The following B4GALNT2 variants were observed in gnomAD, a reference collection of about 807,000 sequenced individuals.
The protein encoded by B4GALNT2 is beta-1,4-N-acetyl-galactosaminyltransferase 2 (SID blood group).
Under a neutral mutation model 51.1 loss-of-function variants are expected in B4GALNT2, and 42 were observed. The ratio of observed to expected loss-of-function variants is 0.82; its 90% confidence interval spans 0.64 to 1.06. The LOEUF is 1.06. Among genes scored for constraint, B4GALNT2 ranks in the 50% least tolerant of loss-of-function variants. The pLI is 0.00. For synonymous variants in B4GALNT2, 253 were observed against 251.7 expected, an observed-to-expected ratio of 1.01 and a Z score of -0.05; for missense variants, 602 against 633.6, an observed-to-expected ratio of 0.95 and a Z score of 0.54.
intron 1 of B4GALNT2, among the ~76,000 whole-genome samples, chr17:49,139,331 C>T (rs1405180475): frequency 3.3e-5 from 5 of 152,186 alleles, no homozygotes; most frequent in South Asian, 2.1e-4. Context: ...CTTCGCCCTC[C>T]GGGCTCAAGT....
rs1320180911 is a variant in B4GALNT2 at position 49,142,170 on chromosome 17, G to A, written c.351G>A (p.Arg117=). ...RRQAEFEHFQ[R]REGLPRPLPL... ...AGGCTGAATTTGAACACTTTCAGAG[G>A]AGGTAATGCGGGTCATGAAGGCCCT... Residue 117 remains arginine (R), a splice_region_variant and synonymous_variant, in exon 3 of 11, where the codon AGG becomes AGA. Transcript: ENST00000393354. 2 of 1,614,066 alleles carry A rather than the reference G, an allele frequency of 1.2e-6. No individual in the cohort carries two copies. Among genetic ancestry groups the A allele is most frequent in the Non-Finnish European group, 1.7e-6 (2 of 1,180,012 alleles).
chr17:49,175,679 G>C lies in B4GALNT2; in HGVS notation c.*5951G>C, dbSNP rs1301837249. The C allele has an allele frequency of 6.6e-6, 1 of 152,088 alleles. No homozygotes were observed. The highest frequency in any genetic ancestry group is 1.5e-5 in the Non-Finnish European group (1 of 68,034). 9.4% of individuals were successfully genotyped at this position (152,088 alleles called of 1,614,324 possible). A position where few individuals can be genotyped will look rare whatever the true frequency, so the allele number is the denominator to read the frequency against. On this transcript the variant is annotated 3_prime_UTR_variant, in exon 11 of 11. Coordinates refer to ENST00000393354, the MANE Select transcript of B4GALNT2 (RefSeq NM_001159387.2). ...AGCTATAATATTTCCCTGTTGATCT[G>C]GGGGGTATATCCTAACAGGGAACTG...
At chr17:49,147,733 T>C (rs2042708864) in intron 3 of B4GALNT2, among the ~76,000 whole-genome samples, 1 of 152,132 alleles carries the variant, frequency 6.6e-6, no homozygotes, top group Non-Finnish European at 1.5e-5. Context: ...TCTCGTCCCT[T>C]TCTTAAATGA....
chr17:49,159,230 C>T lies in B4GALNT2; in HGVS notation c.679+13C>T, dbSNP rs1360915942. ...AAGGTAGACATAGGTGAGAGCCTGT[C>T]CTTGGAGTGCAAAATGCTTAGGGAT... On this transcript the variant is annotated intron_variant, in intron 6 of 10. Coordinates refer to ENST00000393354, the MANE Select transcript of B4GALNT2 (RefSeq NM_001159387.2). 2 of 1,612,764 alleles carry T rather than the reference C, an allele frequency of 1.2e-6. No homozygotes were observed. Among genetic ancestry groups the T allele is most frequent in the South Asian group, 2.2e-5 (2 of 90,898 alleles).
At chr17:49,138,894 C>A (rs918591736) in intron 1 of B4GALNT2, among the ~76,000 whole-genome samples, 3 of 152,058 alleles carry the variant, frequency 2.0e-5, no homozygotes, top group Non-Finnish European at 4.4e-5. Flanking sequence ...ACAAAACAAA[C>A]AACAACAAAA....
At position 49,147,849 on chromosome 17, in the gene B4GALNT2, A is replaced by ATATG. The variant is rs1555611104; in HGVS notation, c.354-4950_354-4949insATGT. On this transcript the variant is annotated intron_variant, in intron 3 of 10. Coordinates refer to ENST00000393354, the MANE Select transcript of B4GALNT2 (RefSeq NM_001159387.2). Reference sequence around the variant, plus strand: ...TTATATACATGTATGTTATATATATATGTGTGTGTGTGTGTGTATATATAT... The same window carrying ATATG: ...TTATATACATGTATGTTATATATATATATGTGTGTGTGTGTGTGTGTATATATAT... Among the ~76,000 whole-genome samples, 48 of 149,136 alleles carry ATATG rather than the reference A, an allele frequency of 3.2e-4. No homozygotes were observed. The South Asian group carries it at 3.9e-3, about 12-fold the overall frequency.
chr17:49,159,182 C>T lies in B4GALNT2; in HGVS notation c.644C>T (p.Thr215Ile), dbSNP rs145087753. 6.2e-6 allele frequency: 10 copies of T among 1,614,076 alleles called. No homozygotes were observed. The highest frequency in any genetic ancestry group is 5.3e-5 in the African/African-American group (4 of 74,918). The change falls in exon 6 of 11, where the codon ACC (threonine) becomes ATC (isoleucine). Residue 215 changes from threonine to isoleucine, a missense_variant. Coordinates refer to ENST00000393354, the MANE Select transcript of B4GALNT2 (RefSeq NM_001159387.2). ...LKFILQHVTYTSTGYQHQKVD... is the reference protein window; with the variant it reads ...LKFILQHVTYISTGYQHQKVD... The stretch of plus-strand genomic sequence containing the variant: ...TTCATTCTTCAGCACGTGACATACA[C>T]CAGCACGGGGTACCAGCACCAGAAG...
intron 1 of B4GALNT2, among the ~76,000 whole-genome samples, chr17:49,135,181 T>C (rs545216163): frequency 1.3e-5 from 2 of 152,344 alleles, no homozygotes; most frequent in African/African-American, 2.4e-5. Context: ...TACAGAAATA[T>C]GTGACAAAGA....
chr17:49,152,730 C>T, intron 3 of B4GALNT2, 70 bp from the exon 4 acceptor site: 1 of 1,110,634 alleles, frequency 9.0e-7, no homozygotes, highest in Non-Finnish European at 1.3e-6. Context: ...TGTGCACAGG[C>T]ACCACTTTGA....
intron 8 of B4GALNT2, 65 bp downstream of exon 8, chr17:49,164,340 T>A: frequency 6.9e-7 from 1 of 1,449,662 alleles, no homozygotes; most frequent in Non-Finnish European, 9.6e-7. Context: ...GGTCAGGTTC[T>A]ACCCTGGATG....
intron 9 of B4GALNT2, 80 bp from the exon 10 acceptor site, chr17:49,168,601 C>T: frequency 7.8e-7 from 1 of 1,284,396 alleles, no homozygotes; most frequent in Non-Finnish European, 1.1e-6. Flanking sequence ...AACCGAGGTG[C>T]AGTCCAGCGA....
chr17:49,125,081 TTAATAGTCTTAAA>T, the B4GALNT2 span, among the ~76,000 whole-genome samples: 1 of 152,242 alleles, frequency 6.6e-6, no homozygotes, highest in South Asian at 2.1e-4. Flanking sequence ...TAAACTTTTT[TTAATAGTCTTAAA>T]TACATGTTAC....
intron 2 of B4GALNT2, 57 bp from the exon 3 acceptor site, chr17:49,141,978 T>G (rs1039333025): frequency 5.0e-6 from 8 of 1,604,772 alleles, no homozygotes; most frequent in African/African-American, 2.7e-5. Context: ...TCCGGTTTCC[T>G]CTCACCCACC....
upstream of B4GALNT2, among the ~76,000 whole-genome samples, chr17:49,130,084 C>T (rs2042529412): frequency 6.6e-6 from 1 of 152,206 alleles, no homozygotes; most frequent in Non-Finnish European, 1.5e-5. Flanking sequence ...CTTTAATCCA[C>T]TCTGCCTTCC....
Position 49,156,707 on chromosome 17 carries a change from T to C in B4GALNT2, c.498+104T>C, listed in dbSNP as rs2144319326. On this transcript the variant is annotated intron_variant, in intron 5 of 10. Coordinates refer to ENST00000393354, the MANE Select transcript of B4GALNT2 (RefSeq NM_001159387.2). ...ACGGAGCCCCTGTCCAGATTCAAGG[T>C]CAGACATGAGCCCAAGGAGGGAGGG... 6 of 1,331,520 alleles carry C rather than the reference T, an allele frequency of 4.5e-6. No homozygotes were observed. The Middle Eastern group carries it at 5.7e-4, about 125-fold the overall frequency. The allele number at this position is 1,331,520 out of a possible 1,614,324, so 82.5% of individuals were successfully genotyped here.
chr17:49,169,052 G>GA, intron 10 of B4GALNT2, 152 bp downstream of exon 10: 1 of 797,418 alleles, frequency 1.3e-6, no homozygotes, highest in Non-Finnish European at 2.0e-6. Flanking sequence ...CCCCAGACTA[G>GA]GGAGCTCTTG....
At chr17:49,154,154 C>T (rs1202763088) in intron 4 of B4GALNT2, among the ~76,000 whole-genome samples, 1 of 151,932 alleles carries the variant, frequency 6.6e-6, no homozygotes, top group Non-Finnish European at 1.5e-5. Context: ...CAAGTGCCCA[C>T]CACACCTGGC....
In B4GALNT2 at chr17:49,168,768, G is replaced by A. The variant is rs2042933868; in HGVS notation, c.1183G>A (p.Gly395Arg). ...ENGACLHKRM[G>R]FFQPLDGFPS... ...TGGGGCCTGCCTTCACAAGAGGATG[G>A]GATTTTTCCAACCCCTGGATGGCTT... The change falls in exon 10 of 11, where the codon GGA becomes AGA. Residue 395 changes from glycine to arginine, a missense_variant. Physicochemically the swap from Gly to Arg is moderately radical, Grantham distance 125. Coordinates refer to ENST00000393354, the MANE Select transcript of B4GALNT2 (RefSeq NM_001159387.2). 6 of 1,614,074 alleles carry A rather than the reference G, an allele frequency of 3.7e-6. No homozygotes were observed. Among genetic ancestry groups the A allele is most frequent in the Non-Finnish European group, 3.4e-6 (4 of 1,180,038 alleles).
At chr17:49,133,269 G>A (rs1288627137) in intron 1 of B4GALNT2, 4 of 1,439,736 alleles carry the variant, frequency 2.8e-6, no homozygotes, top group Non-Finnish European at 3.6e-6. Context: ...CAGTCGGGGA[G>A]CCCGGCGGCT....
Sources: allele counts gnomAD v4.1 joint callset (sites outside exome capture counted in the v4.1 genomes callset), GRCh38; gene constraint gnomAD v4.1.1; transcripts MANE v1.5; gene names NCBI Gene and HGNC (gene_info 2026-07-23, HGNC 2026-07-21).